TRPC4: variants seen among roughly 807,000 people sequenced by gnomAD.
TRPC4 encodes the protein short transient receptor potential channel 4.
A neutral mutation model predicts 99.4 loss-of-function variants in TRPC4; 49 were observed. The observed-to-expected ratio is 0.49, with a 90% CI of 0.39 to 0.63. The LOEUF is 0.63. Among genes scored for constraint, TRPC4 ranks in the 20% least tolerant of loss-of-function variants. The probability of loss-of-function intolerance (pLI) is 0.00; values close to 1 mark genes in which losing one functional copy is unlikely to be tolerated. For synonymous variants in TRPC4, 454 were observed against 425.9 expected (o/e 1.07, Z -0.81); for missense variants, 898 against 1,152.9 (o/e 0.78, Z 3.20).
chr13:37,641,476 T>C (rs1566061258), intron 8 of TRPC4, among the ~76,000 whole-genome samples: 1 of 152,160 alleles, frequency 6.6e-6, no homozygotes, highest in African/African-American at 2.4e-5. Flanking sequence ...ACATTCTAGC[T>C]AGAAAAAAAG....
rs535949292 is a variant in TRPC4, at chr13:37,721,297, T to C, written c.897+24640A>G. On this transcript the variant is annotated intron_variant, in intron 3 of 10. Transcript: ENST00000379705. ...TCAATTTATTTTATTATTTATTATA[T>C]TTTTAATTTCAAAACACTTGTCCAG... Among the ~76,000 whole-genome samples, 124 of 152,262 alleles carry C rather than the reference T, an allele frequency of 8.1e-4. 1 individual carries two copies. The highest frequency in any genetic ancestry group is 3.4e-3 in the Middle Eastern group (1 of 294).
At chr13:37,837,897 T>C (rs964943001) in intron 1 of TRPC4, among the ~76,000 whole-genome samples, 1 of 152,120 alleles carries the variant, frequency 6.6e-6, no homozygotes, top group Non-Finnish European at 1.5e-5. Flanking sequence ...TGGGAGATAA[T>C]TGAATCATGG....
intron 6 of TRPC4, among the ~76,000 whole-genome samples, chr13:37,659,737 A>C (rs1045702836): frequency 6.6e-6 from 1 of 152,186 alleles, no homozygotes; most frequent in African/African-American, 2.4e-5. Flanking sequence ...CAAGGGGAAG[A>C]CAGTGCCAAG....
chr13:37,771,049 A>G (rs558852438), intron 2 of TRPC4, among the ~76,000 whole-genome samples: 217 of 151,698 alleles, frequency 1.4e-3, no homozygotes, highest in Middle Eastern at 6.8e-3. Context: ...TACTCTCACA[A>G]AAGATAGATG....
chr13:37,831,236 G>C (rs986620840), intron 1 of TRPC4, among the ~76,000 whole-genome samples: 1 of 152,056 alleles, frequency 6.6e-6, no homozygotes, highest in African/African-American at 2.4e-5. Flanking sequence ...GGCTTGAATA[G>C]ACATTTCTCA....
At chr13:37,650,362 A>T (rs574860298) in intron 8 of TRPC4, among the ~76,000 whole-genome samples, 1 of 152,280 alleles carries the variant, frequency 6.6e-6, no homozygotes, top group Non-Finnish European at 1.5e-5. Context: ...TTACTATGAG[A>T]ACTTTCAAAA....
intron 2 of TRPC4, among the ~76,000 whole-genome samples, chr13:37,751,717 GTC>G (rs1339935735): frequency 6.6e-6 from 1 of 151,796 alleles, no homozygotes; most frequent in Non-Finnish European, 1.5e-5. Flanking sequence ...TGAGTCTATT[GTC>G]TGGCACTGCA....
chr13:37,675,026 T>C (rs1348723507), intron 4 of TRPC4, among the ~76,000 whole-genome samples: 1 of 152,180 alleles, frequency 6.6e-6, no homozygotes, highest in East Asian at 1.9e-4. Context: ...ATTTTATAAT[T>C]TCGTATTTAG....
intron 7 of TRPC4, among the ~76,000 whole-genome samples, chr13:37,654,138 A>G (rs529003414): frequency 6.6e-6 from 1 of 152,226 alleles, no homozygotes; most frequent in Non-Finnish European, 1.5e-5. Context: ...GTCTTATGAG[A>G]AAAATTGCCT....
chr13:37,760,731 C>A (rs546310617), intron 2 of TRPC4, among the ~76,000 whole-genome samples: 17 of 151,884 alleles, frequency 1.1e-4, no homozygotes, highest in South Asian at 1.0e-3. Flanking sequence ...AAAATAATCT[C>A]ATCAGCTATT....
At chr13:37,669,373 A>T (rs976099238) in intron 5 of TRPC4, among the ~76,000 whole-genome samples, 1 of 152,198 alleles carries the variant, frequency 6.6e-6, no homozygotes, top group Non-Finnish European at 1.5e-5. Context: ...CAAACTCCAG[A>T]TTAACTAATA....
At chr13:37,856,825 G>T (rs991703192) in intron 1 of TRPC4, among the ~76,000 whole-genome samples, 1 of 151,466 alleles carries the variant, frequency 6.6e-6, no homozygotes, top group African/African-American at 2.4e-5. Context: ...TTCTGAAAAA[G>T]TATTTAATAA....
chr13:37,753,941 C>T (rs753317975), intron 2 of TRPC4, among the ~76,000 whole-genome samples: 1 of 151,974 alleles, frequency 6.6e-6, no homozygotes, highest in Admixed American at 6.6e-5. Context: ...CCAGGGAAGC[C>T]GAGCCTGCCA....
In TRPC4 at chr13:37,858,424, G is replaced by T. The variant is rs186784525; in HGVS notation, c.-28+11171C>A. On this transcript the variant is annotated intron_variant, in intron 1 of 10. Coordinates refer to ENST00000379705, the MANE Select transcript of TRPC4 (RefSeq NM_016179.4). ...GCAATTCCAGCAATCCCACTGCAGG[G>T]TATATACCCAAAATAAAACGTATCA... Among the ~76,000 whole-genome samples, 9 of 151,532 alleles carry T rather than the reference G, an allele frequency of 5.9e-5. No individual in the cohort carries two copies. The East Asian group carries it at 1.7e-3, about 29-fold the overall frequency.
intron 1 of TRPC4, among the ~76,000 whole-genome samples, chr13:37,792,565 G>A (rs1381500840): frequency 4.6e-5 from 7 of 152,128 alleles, no homozygotes; most frequent in African/African-American, 1.7e-4. Context: ...AAATGTGGGT[G>A]AGGGTGGCAA....
chr13:37,868,320 A>G (rs1959908034), intron 1 of TRPC4, among the ~76,000 whole-genome samples: 1 of 151,996 alleles, frequency 6.6e-6, no homozygotes, highest in Middle Eastern at 3.2e-3. Flanking sequence ...ACATTTAAGG[A>G]GGATGTTTTC....
At chr13:37,717,193 G>T (rs1954706540) in intron 3 of TRPC4, among the ~76,000 whole-genome samples, 1 of 152,114 alleles carries the variant, frequency 6.6e-6, no homozygotes, top group South Asian at 2.1e-4. Context: ...AATTCTCAGT[G>T]AATTATATTG....
intron 3 of TRPC4, among the ~76,000 whole-genome samples, chr13:37,704,497 G>T (rs1239357681): frequency 7.2e-5 from 11 of 152,064 alleles, no homozygotes; most frequent in African/African-American, 2.4e-4. Context: ...GACCAGCCTG[G>T]CCAATATGGT....
At chr13:37,813,081 A>C (rs981280918) in intron 1 of TRPC4, among the ~76,000 whole-genome samples, 1 of 152,022 alleles carries the variant, frequency 6.6e-6, no homozygotes, top group African/African-American at 2.4e-5. Flanking sequence ...AAGGCATAAA[A>C]TTATAAATCA....
Sources: allele counts gnomAD v4.1 joint callset (sites outside exome capture counted in the v4.1 genomes callset), GRCh38; gene constraint gnomAD v4.1.1; transcripts MANE v1.5; gene names NCBI Gene and HGNC (gene_info 2026-07-23, HGNC 2026-07-21).